The following OSBPL8 variants were observed in gnomAD, a reference collection of about 807,000 sequenced individuals.
OSBPL8 encodes oxysterol binding protein like 8.
In OSBPL8, 59 loss-of-function variants were observed where a neutral mutation model predicts 125.5. The ratio of observed to expected loss-of-function variants is 0.47; its 90% confidence interval spans 0.38 to 0.58. The LOEUF (loss-of-function observed/expected upper bound fraction) is 0.58. Ranked by LOEUF, OSBPL8 falls within the 20% of genes least tolerant of loss-of-function variation. The pLI is 0.00. For missense variants in OSBPL8, 758 were observed against 1,047.8 expected, an observed-to-expected ratio of 0.72 and a Z score of 3.82; for synonymous variants, 330 against 338.9, an observed-to-expected ratio of 0.97 and a Z score of 0.29.
At chr12:76,461,412 T>C (rs919632114) in intron 2 of OSBPL8, among the ~76,000 whole-genome samples, 8 of 152,074 alleles carry the variant, frequency 5.3e-5, no homozygotes, top group Non-Finnish European at 1.2e-4. Flanking sequence ...CTAAGTGAAC[T>C]TGGAAGCAGA....
intron 1 of OSBPL8, among the ~76,000 whole-genome samples, chr12:76,509,190 ATGT>A (rs1456281858): frequency 6.6e-6 from 1 of 152,194 alleles, no homozygotes; most frequent in Non-Finnish European, 1.5e-5. Flanking sequence ...ATAGTAAAAC[ATGT>A]TGTACAGATT....
intron 8 of OSBPL8, among the ~76,000 whole-genome samples, chr12:76,395,263 G>A (rs559170157): frequency 8.5e-5 from 13 of 152,152 alleles, no homozygotes; most frequent in Middle Eastern, 3.4e-3. Context: ...AAATTCTGTC[G>A]TTGTTGTTGG....
intron 1 of OSBPL8, among the ~76,000 whole-genome samples, chr12:76,498,789 A>G (rs1177901547): frequency 7.2e-6 from 1 of 138,714 alleles, no homozygotes; most frequent in African/African-American, 2.8e-5. Flanking sequence ...GTGCCATCAC[A>G]TCTCCCTGCA....
intron 1 of OSBPL8, among the ~76,000 whole-genome samples, chr12:76,556,008 C>T (rs1951085046): frequency 1.3e-5 from 2 of 152,220 alleles, no homozygotes; most frequent in African/African-American, 4.8e-5. Flanking sequence ...CAAAACCTAA[C>T]TCAAGAATCA....
At chr12:76,408,729 G>A (rs1214097479) in intron 5 of OSBPL8, among the ~76,000 whole-genome samples, 1 of 152,014 alleles carries the variant, frequency 6.6e-6, no homozygotes, top group African/African-American at 2.4e-5. Context: ...TTAATTTAAG[G>A]ATCCACATAT....
At chr12:76,478,878 G>T (rs1460164547) in intron 2 of OSBPL8, among the ~76,000 whole-genome samples, 1 of 152,164 alleles carries the variant, frequency 6.6e-6, no homozygotes, top group African/African-American at 2.4e-5. Context: ...GACGTCAGGA[G>T]ATCGAGACCA....
intron 8 of OSBPL8, among the ~76,000 whole-genome samples, chr12:76,396,387 C>A (rs1953804755): frequency 6.6e-6 from 1 of 152,170 alleles, no homozygotes; most frequent in Non-Finnish European, 1.5e-5. Context: ...AGTTGGTTTT[C>A]CCTAAAGGAG....
chr12:76,535,878 A>C (rs1222451422), intron 1 of OSBPL8, among the ~76,000 whole-genome samples: 1 of 152,192 alleles, frequency 6.6e-6, no homozygotes, highest in Non-Finnish European at 1.5e-5. Context: ...AGAGTAGGAA[A>C]GGGAAAGATT....
At chr12:76,487,391 A>G in intron 2 of OSBPL8, 119 bp downstream of exon 2, 1 of 742,476 alleles carries the variant, frequency 1.3e-6, no homozygotes, top group Non-Finnish European at 2.1e-6. Flanking sequence ...TTAAAGCATT[A>G]TTTTAAAAAT....
rs187974014 is a variant in OSBPL8 at position 76,523,546 on chromosome 12, T to C, written c.-68+35851A>G. Among the ~76,000 whole-genome samples, 115 of 152,350 alleles carry C rather than the reference T, an allele frequency of 7.5e-4. No homozygotes were observed. The Middle Eastern group carries it at 0.01, about 14-fold the overall frequency. On this transcript the variant is annotated intron_variant, in intron 1 of 23. Transcript: ENST00000261183. ...TCCCCAATGTGATGACATGTGGAGATAGGGCCTTGGGGAGGTAATCATGTC... is the reference window on the plus strand; with the variant it reads ...TCCCCAATGTGATGACATGTGGAGACAGGGCCTTGGGGAGGTAATCATGTC...
intron 3 of OSBPL8, among the ~76,000 whole-genome samples, chr12:76,454,451 G>A (rs1455675154): frequency 6.6e-6 from 1 of 152,156 alleles, no homozygotes; most frequent in East Asian, 1.9e-4. Flanking sequence ...CTACTCAGGA[G>A]GCTGAGGTGG....
At chr12:76,511,868 A>G (rs1881033871) in intron 1 of OSBPL8, among the ~76,000 whole-genome samples, 1 of 152,180 alleles carries the variant, frequency 6.6e-6, no homozygotes, top group Non-Finnish European at 1.5e-5. Context: ...TTTACATTTA[A>G]GTCTTTAATT....
At chr12:76,455,070 T>C (rs953016763) in intron 3 of OSBPL8, among the ~76,000 whole-genome samples, 4 of 136,260 alleles carry the variant, frequency 2.9e-5, no homozygotes, top group African/African-American at 1.1e-4. Flanking sequence ...TCGTCTCCAC[T>C]AAAAAATACA....
chr12:76,477,652 G>A (rs1876971133), intron 2 of OSBPL8, among the ~76,000 whole-genome samples: 1 of 151,942 alleles, frequency 6.6e-6, no homozygotes, highest in Non-Finnish European at 1.5e-5. Flanking sequence ...ACATAAAAAG[G>A]ACATTACGTA....
chr12:76,405,597 T>G (rs911515547), intron 5 of OSBPL8, among the ~76,000 whole-genome samples: 4 of 152,226 alleles, frequency 2.6e-5, no homozygotes, highest in Admixed American at 6.5e-5. Context: ...TCAAGGAATC[T>G]TTAACTCACA....
Position 76,526,373 on chromosome 12 carries a change from C to T in OSBPL8, c.-68+33024G>A, listed in dbSNP as rs554834293. Among the ~76,000 whole-genome samples the T allele has an allele frequency of 2.6e-5, 4 of 151,676 alleles. 1 individual carries two copies. In the South Asian group the frequency reaches 8.3e-4, roughly 31 times the overall value. The stretch of plus-strand genomic sequence containing the variant: ...TCAGCCACATACTTTAATTATGCCG[C>T]CAGTTATGAATTTAATGATTTTCCC... On this transcript the variant is annotated intron_variant, in intron 1 of 23. Transcript: ENST00000261183.
chr12:76,422,428 G>C (rs1404516358), intron 4 of OSBPL8: 2 of 417,626 alleles, frequency 4.8e-6, no homozygotes, highest in Admixed American at 5.6e-5. Context: ...TTAAATGAAA[G>C]CGGCTTTAAA....
At position 76,352,880 on chromosome 12, in the gene OSBPL8, A is replaced by G. The variant is rs2136101370; in HGVS notation, c.*3009T>C. 1 of 152,676 alleles carries G rather than the reference A, an allele frequency of 6.5e-6. No homozygotes were observed. The highest frequency in any genetic ancestry group is 2.1e-4 in the South Asian group (1 of 4,832). The allele number at this position is 152,676 out of a possible 1,614,324, so 9.5% of individuals were successfully genotyped here. Reference sequence around the variant, plus strand: ...GTGATTCCATCGAAAAGGCACTGTTAACAATACTCAGAATAATCTGACAAG... The same window carrying G: ...GTGATTCCATCGAAAAGGCACTGTTGACAATACTCAGAATAATCTGACAAG... On this transcript the variant is annotated 3_prime_UTR_variant, in exon 24 of 24. Transcript: ENST00000261183.
At chr12:76,526,719 C>T (rs367584623) in intron 1 of OSBPL8, among the ~76,000 whole-genome samples, 3 of 133,874 alleles carry the variant, frequency 2.2e-5, no homozygotes, top group Admixed American at 8.9e-5. Flanking sequence ...GGTGCGATCT[C>T]GGCTCACCAC....
Sources: gnomAD v4.1 joint callset for allele counts (sites outside exome capture counted in the v4.1 genomes callset) on GRCh38, gnomAD v4.1.1 for gene constraint, MANE v1.5 for transcripts, NCBI Gene and HGNC (gene_info 2026-07-23, HGNC 2026-07-21) for gene names.